Variants in DNAH8 observed in about 807,000 individuals in gnomAD.
The protein encoded by DNAH8 is axonemal beta dynein heavy chain 8.
Under a neutral mutation model 562.1 loss-of-function variants are expected in DNAH8, and 382 were observed. That is an observed-to-expected ratio of 0.68 (90% CI 0.63 to 0.74). DNAH8 has a LOEUF of 0.74. DNAH8 is among the 30% of genes least tolerant of loss of function. The probability of loss-of-function intolerance (pLI) is 0.00; values close to 1 mark genes in which losing one functional copy is unlikely to be tolerated. For synonymous variants in DNAH8, 1,881 were observed against 1,919.4 expected (o/e 0.98, Z 0.52); for missense variants, 5,203 against 5,620.4 (o/e 0.93, Z 2.37).
At chr6:38,728,165 G>A (rs1396448776) in intron 3 of DNAH8, among the ~76,000 whole-genome samples, 3 of 151,842 alleles carry the variant, frequency 2.0e-5, no homozygotes, top group East Asian at 1.9e-4. Flanking sequence ...AGGAGATTTC[G>A]CCATGTTTCT....
chr6:38,917,992 C>A lies in DNAH8; in HGVS notation c.10376C>A (p.Thr3459Asn). 6.2e-7 allele frequency: 1 copy of A among 1,613,832 alleles called. No homozygotes were observed. Among genetic ancestry groups the A allele is most frequent in the Non-Finnish European group, 8.5e-7 (1 of 1,179,844 alleles). Reference sequence around the variant, plus strand: ...CCTAAGGACACTATAAATGAAGAGACTGTTGAGTTACTACAGCCATATTTT... The same window carrying A: ...CCTAAGGACACTATAAATGAAGAGAATGTTGAGTTACTACAGCCATATTTT... ...QFPKDTINEETVELLQPYFNM... is the reference protein window; with the variant it reads ...QFPKDTINEENVELLQPYFNM... Residue 3459 changes from threonine to asparagine, a missense_variant, in exon 70 of 93, where the codon ACT becomes AAT. Transcript: ENST00000327475.
Position 38,936,120 on chromosome 6 carries a change from G to A in DNAH8, c.11563+423G>A, listed in dbSNP as rs532129131. ...TCCCAGCACTTTGGGAGACCAAGGC[G>A]GGTGGATCACCTGAGGTCAGGAGTT... is the stretch of plus-strand genomic sequence containing the variant. On this transcript the variant is annotated intron_variant, in intron 77 of 92. Coordinates refer to ENST00000327475, the MANE Select transcript of DNAH8 (RefSeq NM_001206927.2). 5.3e-5 allele frequency among the ~76,000 whole-genome samples: 8 copies of A among 151,918 alleles called. No individual in the cohort carries two copies. The East Asian group carries it at 9.7e-4, about 18-fold the overall frequency.
rs117738578 is a variant in DNAH8, at chr6:38,785,644, C to G, written c.2396-1121C>G. 0.011 allele frequency among the ~76,000 whole-genome samples: 1,632 copies of G among 152,158 alleles called. 80 individuals are homozygous for G. The East Asian group carries it at 0.14, about 13-fold the overall frequency. On this transcript the variant is annotated intron_variant, in intron 17 of 92. Coordinates refer to ENST00000327475, the MANE Select transcript of DNAH8 (RefSeq NM_001206927.2). ...CTTTCCCTCCCCTTGCTCCCCACCC[C>G]CCGACAGGCCCTGGTGTGTGCCGTT...
chr6:38,798,750 G>C (rs1415897715), intron 21 of DNAH8, among the ~76,000 whole-genome samples: 1 of 152,184 alleles, frequency 6.6e-6, no homozygotes, highest in Non-Finnish European at 1.5e-5. Flanking sequence ...TCAGAGTTCA[G>C]ACACAGGGTT....
chr6:39,001,761 TA>T (rs1389550769), intron 88 of DNAH8, among the ~76,000 whole-genome samples: 1 of 152,218 alleles, frequency 6.6e-6, no homozygotes. Flanking sequence ...ATACATTTAA[TA>T]ATCACTTTTC....
intron 30 of DNAH8, among the ~76,000 whole-genome samples, chr6:38,831,232 CTGGGCAACA>C (rs904943028): frequency 1.3e-5 from 2 of 151,748 alleles, no homozygotes; most frequent in African/African-American, 4.8e-5. Context: ...CCAGACCAGC[CTGGGCAACA>C]TGTCAAAACC....
chr6:38,805,661 C>A, intron 23 of DNAH8, 65 bp downstream of exon 23: 1 of 854,322 alleles, frequency 1.2e-6, no homozygotes, highest in Non-Finnish European at 1.8e-6. Context: ...ATAGATAACC[C>A]CATATGGTGC....
At chr6:38,862,187 T>C in intron 43 of DNAH8, 93 bp from the exon 44 acceptor site, 2 of 1,108,506 alleles carry the variant, frequency 1.8e-6, no homozygotes, top group Non-Finnish European at 2.6e-6. Flanking sequence ...CTAAAATAAA[T>C]AGGCCCATTC....
intron 3 of DNAH8, among the ~76,000 whole-genome samples, chr6:38,725,304 T>TATTATAATAATAATAATA (rs1554193008): frequency 7.4e-6 from 1 of 135,384 alleles, no homozygotes; most frequent in South Asian, 2.5e-4. Context: ...CTCCAACTCA[T>TATTATAATAATAATAATA]ATAATAATAA....
chr6:38,843,320 T>A (rs1265117515), intron 35 of DNAH8, among the ~76,000 whole-genome samples: 2 of 152,046 alleles, frequency 1.3e-5, no homozygotes, highest in East Asian at 3.8e-4. Context: ...TCCAAGATTT[T>A]TAATTCATTC....
chr6:38,917,806 T>G, intron 69 of DNAH8, 119 bp from the exon 70 acceptor site: 2 of 728,662 alleles, frequency 2.7e-6, no homozygotes, highest in Non-Finnish European at 4.3e-6. Flanking sequence ...AGTCTCAATT[T>G]GTGTATTTAG....
chr6:38,748,755 AAATAATAATAATAATAAT>A (rs57398991), intron 8 of DNAH8, among the ~76,000 whole-genome samples: 1 of 138,618 alleles, frequency 7.2e-6, no homozygotes, highest in South Asian at 2.4e-4. Context: ...CTCCGTCTCA[AAATAATAATAATAATAAT>A]AATAATAATA....
chr6:38,765,550 C>CT (rs2127614516), intron 11 of DNAH8, among the ~76,000 whole-genome samples: 1 of 152,308 alleles, frequency 6.6e-6, no homozygotes, highest in Non-Finnish European at 1.5e-5. Flanking sequence ...ATTGAAGAGA[C>CT]TGCCCTTTCC....
intron 68 of DNAH8, among the ~76,000 whole-genome samples, chr6:38,916,374 C>T (rs1450723963): frequency 6.6e-6 from 1 of 152,150 alleles, no homozygotes; most frequent in African/African-American, 2.4e-5. Context: ...AGGAAGTTTT[C>T]AGTTCTTCTT....
chr6:39,024,894 C>G (rs1165936993), intron 91 of DNAH8, among the ~76,000 whole-genome samples: 1 of 152,196 alleles, frequency 6.6e-6, no homozygotes, highest in Non-Finnish European at 1.5e-5. Context: ...CACTCAGCTG[C>G]TTTGGTTGAT....
chr6:38,943,818 T>A (rs1196646720), intron 79 of DNAH8, among the ~76,000 whole-genome samples: 4 of 152,148 alleles, frequency 2.6e-5, no homozygotes, highest in Non-Finnish European at 5.9e-5. Context: ...ACATAGCTCT[T>A]ATTATTATTC....
intron 21 of DNAH8, among the ~76,000 whole-genome samples, chr6:38,795,526 G>A (rs1319083773): frequency 2.0e-5 from 3 of 151,736 alleles, no homozygotes; most frequent in Non-Finnish European, 4.4e-5. Context: ...CTTGCAGTGA[G>A]CTGAGATCTC....
At chr6:38,725,028 C>T (rs750015662) in intron 3 of DNAH8, among the ~76,000 whole-genome samples, 1 of 152,052 alleles carries the variant, frequency 6.6e-6, no homozygotes, top group East Asian at 1.9e-4. Flanking sequence ...CCCGGCCGGG[C>T]GCAGTAGCTC....
intron 11 of DNAH8, among the ~76,000 whole-genome samples, chr6:38,768,246 A>G (rs1483136774): frequency 3.3e-5 from 5 of 151,924 alleles, no homozygotes; most frequent in African/African-American, 1.2e-4. Flanking sequence ...CAAATACACT[A>G]TTGCTTATTT....
Sources: allele counts gnomAD v4.1 joint callset (sites outside exome capture counted in the v4.1 genomes callset), GRCh38; gene constraint gnomAD v4.1.1; transcripts MANE v1.5; gene names NCBI Gene and HGNC (gene_info 2026-07-23, HGNC 2026-07-21).